PHACTR1: variants seen among roughly 807,000 people sequenced by gnomAD.
The protein encoded by PHACTR1 is RPEL repeat containing 1.
PHACTR1 carries 16 observed loss-of-function variants against 69.2 expected under a neutral mutation model. The ratio of observed to expected loss-of-function variants is 0.23; its 90% CI spans 0.16 to 0.35. The LOEUF (loss-of-function observed/expected upper bound fraction) is 0.35. Among genes scored for constraint, PHACTR1 ranks in the 10% least tolerant of loss-of-function variants. The pLI is 1.00. For synonymous variants in PHACTR1, 312 were observed against 284.5 expected (o/e 1.10, Z -0.97); for missense variants, 510 against 734.7 (o/e 0.69, Z 3.54).
At chr6:12,883,980 A>G (rs1018288768) in intron 4 of PHACTR1, among the ~76,000 whole-genome samples, 1 of 152,054 alleles carries the variant, frequency 6.6e-6, no homozygotes, top group African/African-American at 2.4e-5. Context: ...ACCCACATAC[A>G]CACACATACA....
chr6:12,832,988 G>C (rs1384196284), intron 4 of PHACTR1, among the ~76,000 whole-genome samples: 1 of 152,068 alleles, frequency 6.6e-6, no homozygotes, highest in Non-Finnish European at 1.5e-5. Flanking sequence ...TTCCAAATTA[G>C]CAATGGTTCC....
chr6:13,284,748 C>G lies in PHACTR1; in HGVS notation c.1650+1186C>G, dbSNP rs545486518. ...AGCAGGAAGTCATTTATGGCCCAGG[C>G]TGGCTACATTATCACCAACCCTGGA... On this transcript the variant is annotated intron_variant, in intron 13 of 14. Coordinates refer to ENST00000332995, the MANE Select transcript of PHACTR1 (RefSeq NM_030948.6). Among the ~76,000 whole-genome samples, 9 of 151,908 alleles carry G rather than the reference C, an allele frequency of 5.9e-5. No homozygotes were observed. The East Asian group carries it at 1.6e-3, about 26-fold the overall frequency.
intron 4 of PHACTR1, among the ~76,000 whole-genome samples, chr6:12,884,094 A>G (rs1172261107): frequency 6.6e-6 from 1 of 152,004 alleles, no homozygotes. Context: ...ACAAATATAC[A>G]CACATAACCA....
At chr6:13,075,745 C>G (rs954345076) in intron 5 of PHACTR1, among the ~76,000 whole-genome samples, 1 of 152,110 alleles carries the variant, frequency 6.6e-6, no homozygotes, top group Non-Finnish European at 1.5e-5. Flanking sequence ...AGGCTATGTT[C>G]AAGTCTTCTA....
chr6:12,998,900 G>T (rs768846312), intron 4 of PHACTR1, among the ~76,000 whole-genome samples: 1 of 152,146 alleles, frequency 6.6e-6, no homozygotes, highest in Admixed American at 6.5e-5. Context: ...AGGTAATCAA[G>T]ATATAGCAAT....
chr6:13,218,613 A>G (rs1768036324), intron 8 of PHACTR1, among the ~76,000 whole-genome samples: 1 of 152,096 alleles, frequency 6.6e-6, no homozygotes, highest in South Asian at 2.1e-4. Context: ...GGAGCCCAGG[A>G]GTTTGAGACC....
Position 13,230,037 on chromosome 6 carries a change from G to T in PHACTR1, c.1235G>T (p.Ser412Ile). Reference protein sequence around the residue: ...DEDDDSSLYTSSLAMKVCRKD... With the variant: ...DEDDDSSLYTISLAMKVCRKD... Reference sequence around the variant, plus strand: ...ATTGACTCATTTCTGTCTCCTACAGGCTCCCTGGCCATGAAGGTCTGCAGG... The same window carrying T: ...ATTGACTCATTTCTGTCTCCTACAGTCTCCCTGGCCATGAAGGTCTGCAGG... The change falls in exon 10 of 15, where the codon AGC becomes ATC. Residue 412 changes from serine to isoleucine, a missense_variant and splice_region_variant. By Grantham distance (142) the Ser-to-Ile change is moderately radical (BLOSUM62 -2). Transcript: ENST00000332995. The T allele has an allele frequency of 6.2e-7, 1 of 1,606,764 alleles. No individual in the cohort carries two copies.
Position 12,730,470 on chromosome 6 carries a change from C to A in PHACTR1, c.103+11623C>A, listed in dbSNP as rs1278504717. On this transcript the variant is annotated intron_variant, in intron 3 of 14. Transcript: ENST00000332995. ...TTATAAGGTCATTTAAAAAAACACA[C>A]GTGATTTAAAAAAAAAAAAAACCTC... 3.4e-5 allele frequency among the ~76,000 whole-genome samples: 5 copies of A among 145,332 alleles called. No homozygotes were observed. The East Asian group carries it at 9.8e-4, about 28-fold the overall frequency.
chr6:13,217,607 A>G (rs1767879921), intron 8 of PHACTR1, among the ~76,000 whole-genome samples: 1 of 151,724 alleles, frequency 6.6e-6, no homozygotes, highest in South Asian at 2.1e-4. Flanking sequence ...ATTTAAATCC[A>G]TTACCACTGC....
chr6:13,218,356 A>G (rs971690039), intron 8 of PHACTR1, among the ~76,000 whole-genome samples: 1 of 152,206 alleles, frequency 6.6e-6, no homozygotes, highest in Non-Finnish European at 1.5e-5. Flanking sequence ...AGTGATGATT[A>G]CAAAGCCCCC....
intron 5 of PHACTR1, among the ~76,000 whole-genome samples, chr6:13,155,519 C>T (rs765496837): frequency 2.6e-5 from 4 of 152,170 alleles, no homozygotes; most frequent in Non-Finnish European, 5.9e-5. Context: ...AACTTAGCTC[C>T]GACTTTGGAA....
At chr6:12,762,379 C>G (rs576733187) in intron 4 of PHACTR1, among the ~76,000 whole-genome samples, 27 of 152,226 alleles carry the variant, frequency 1.8e-4, no homozygotes, top group Non-Finnish European at 3.5e-4. Flanking sequence ...CTCTGTTATC[C>G]GTGATTTGTG....
intron 4 of PHACTR1, among the ~76,000 whole-genome samples, chr6:12,784,471 T>C (rs1026099887): frequency 2.6e-5 from 4 of 151,140 alleles, no homozygotes; most frequent in Non-Finnish European, 4.4e-5. Context: ...TACACACATG[T>C]CTATACACAT....
At chr6:12,914,708 G>T (rs760320043) in intron 4 of PHACTR1, among the ~76,000 whole-genome samples, 22 of 151,778 alleles carry the variant, frequency 1.4e-4, no homozygotes, top group Admixed American at 1.3e-4. Context: ...GAAATCACAC[G>T]GTCAACTGAA....
At chr6:12,754,952 T>G (rs1767121636) in intron 4 of PHACTR1, among the ~76,000 whole-genome samples, 1 of 152,356 alleles carries the variant, frequency 6.6e-6, no homozygotes. Context: ...CCACGCATTT[T>G]GTTATTCGCA....
intron 3 of PHACTR1, among the ~76,000 whole-genome samples, chr6:12,745,702 A>G (rs1177870766): frequency 6.6e-6 from 1 of 152,266 alleles, no homozygotes; most frequent in African/African-American, 2.4e-5. Context: ...TTCTTAGATT[A>G]AGAGACAAAA....
chr6:12,985,855 G>A (rs1796125109), intron 4 of PHACTR1, among the ~76,000 whole-genome samples: 3 of 147,958 alleles, frequency 2.0e-5, no homozygotes, highest in African/African-American at 7.5e-5. Flanking sequence ...TTTTTTTTGA[G>A]ATGGAGTTTT....
chr6:12,949,700 C>T (rs1035082645), intron 4 of PHACTR1, among the ~76,000 whole-genome samples: 3 of 152,078 alleles, frequency 2.0e-5, no homozygotes, highest in African/African-American at 4.8e-5. Flanking sequence ...TAAGTATTAA[C>T]GTCCTTTTAA....
At chr6:13,127,505 G>A (rs1444100699) in intron 5 of PHACTR1, among the ~76,000 whole-genome samples, 1 of 152,232 alleles carries the variant, frequency 6.6e-6, no homozygotes, top group Non-Finnish European at 1.5e-5. Flanking sequence ...AGGAGGTTGA[G>A]GTTGCAGTGA....
Sources: allele counts gnomAD v4.1 joint callset (sites outside exome capture counted in the v4.1 genomes callset), GRCh38; gene constraint gnomAD v4.1.1; transcripts MANE v1.5; gene names NCBI Gene and HGNC (gene_info 2026-07-23, HGNC 2026-07-21).